The following ADAMTSL1 variants were observed in gnomAD, a reference collection of about 807,000 sequenced individuals.
The protein encoded by ADAMTSL1 is ADAMTS like 1, also known as ADAMTS-like protein 1.
Under a neutral mutation model 201.8 loss-of-function variants are expected in ADAMTSL1, and 126 were observed. The ratio of observed to expected loss-of-function variants is 0.62; its 90% confidence interval spans 0.54 to 0.72. The LOEUF (loss-of-function observed/expected upper bound fraction) is 0.72, where lower values mean the gene tolerates loss of function less well. ADAMTSL1 is among the 30% of genes least tolerant of loss of function. The pLI is 0.00. For missense variants in ADAMTSL1, 2,679 were observed against 2,277.8 expected (o/e 1.18, Z -3.59); for synonymous variants, 1,121 against 903.4 (o/e 1.24, Z -4.32).
intron 1 of ADAMTSL1, among the ~76,000 whole-genome samples, chr9:18,475,899 A>G (rs1305968941): frequency 3.3e-5 from 5 of 152,150 alleles, no homozygotes; most frequent in African/African-American, 9.7e-5. Context: ...TTGTTTTGCT[A>G]TCCATTTGGT....
In ADAMTSL1 at chr9:18,910,676, C is replaced by G. The variant is rs1279908188; in HGVS notation, c.*2128C>G. The G allele has an allele frequency of 1.3e-5, 2 of 152,220 alleles. No homozygotes were observed. The highest frequency in any genetic ancestry group is 2.9e-5 in the Non-Finnish European group (2 of 68,042). The allele number at this position is 152,220 out of a possible 1,614,324, so 9.4% of individuals were successfully genotyped here. ...ATTGAAAATCAGTGGTCACTATTTACATTTCCTAAAGAGCAAGCATCCTCC... is the reference window on the plus strand; with the variant it reads ...ATTGAAAATCAGTGGTCACTATTTAGATTTCCTAAAGAGCAAGCATCCTCC... On this transcript the variant is annotated 3_prime_UTR_variant, in exon 29 of 29. Coordinates refer to ENST00000380548, the MANE Select transcript of ADAMTSL1 (RefSeq NM_001040272.6).
At chr9:18,617,309 C>T (rs897052417) in intron 4 of ADAMTSL1, among the ~76,000 whole-genome samples, 2 of 152,128 alleles carry the variant, frequency 1.3e-5, no homozygotes, top group African/African-American at 4.8e-5. Context: ...CTAATGAAGA[C>T]ATTTTATTAA....
chr9:18,257,689 C>T (rs1346443820), intron 2 of ADAMTSL1, among the ~76,000 whole-genome samples: 1 of 151,926 alleles, frequency 6.6e-6, no homozygotes, highest in East Asian at 1.9e-4. Flanking sequence ...AGATATATAC[C>T]CCCAAAGAAC....
rs59026505 is a variant in ADAMTSL1, at chr9:18,254,345, G to GTTTTTTTTTTTTTTTTTTTTTTTT, written c.207+90376_207+90399dup. Among the ~76,000 whole-genome samples, 2 of 49,364 alleles carry GTTTTTTTTTTTTTTTTTTTTTTTT rather than the reference G, an allele frequency of 4.1e-5. 1 individual carries two copies. The allele number at this position is 49,364 out of a possible 152,430, so 32.4% of individuals were successfully genotyped here. A position where few individuals can be genotyped will look rare whatever the true frequency, so the allele number is the denominator to read the frequency against. On this transcript the variant is annotated intron_variant, in intron 2 of 29. Transcript: ENST00000680146. ...GGAACTACCGTCAATACTCTTTTTG[G>GTTTTTTTTTTTTTTTTTTTTTTTT]TTTTTTTTTTTTTTTTTTTTTTTTT...
At chr9:18,308,418 A>G (rs1476577030) in intron 2 of ADAMTSL1, among the ~76,000 whole-genome samples, 1 of 152,150 alleles carries the variant, frequency 6.6e-6, no homozygotes, top group Non-Finnish European at 1.5e-5. Flanking sequence ...GGTTTTTTGA[A>G]AAGATCAACC....
intron 1 of ADAMTSL1, among the ~76,000 whole-genome samples, chr9:18,126,830 A>G (rs1825751232): frequency 6.6e-6 from 1 of 152,198 alleles, no homozygotes; most frequent in Admixed American, 6.5e-5. Context: ...ATGCCTCTGG[A>G]TGCAAAAACA....
intron 2 of ADAMTSL1, among the ~76,000 whole-genome samples, chr9:18,327,492 C>T (rs1834872670): frequency 1.3e-5 from 2 of 152,306 alleles, no homozygotes; most frequent in Admixed American, 6.5e-5. Context: ...CCCACGTAGG[C>T]ATTTTTCCCC....
intron 2 of ADAMTSL1, among the ~76,000 whole-genome samples, chr9:18,359,546 T>G (rs1586965175): frequency 6.6e-6 from 1 of 152,194 alleles, no homozygotes; most frequent in Admixed American, 6.5e-5. Flanking sequence ...TCAAGGTCCT[T>G]GCCAGTGTTC....
intron 13 of ADAMTSL1, among the ~76,000 whole-genome samples, chr9:18,695,850 A>G (rs1831517379): frequency 6.6e-6 from 1 of 152,220 alleles, no homozygotes; most frequent in South Asian, 2.1e-4. Context: ...ATTGCTATAA[A>G]GGACTACCAG....
chr9:18,688,317 C>A lies in ADAMTSL1; in HGVS notation c.1574+3517C>A, dbSNP rs4431681. Among the ~76,000 whole-genome samples, 18 of 151,618 alleles carry A rather than the reference C, an allele frequency of 1.2e-4. No homozygotes were observed. The South Asian group carries it at 3.8e-3, about 32-fold the overall frequency. On this transcript the variant is annotated intron_variant, in intron 13 of 28. Coordinates refer to ENST00000380548, the MANE Select transcript of ADAMTSL1 (RefSeq NM_001040272.6). ...TTTTGTATTTTTAGTAAATAAGAGA[C>A]AGGGTTTCACCATGTTGGCCAGGCT...
intron 11 of ADAMTSL1, 115 bp from the exon 12 acceptor site, chr9:18,681,697 T>TGTGTTGGGGG: frequency 4.2e-6 from 1 of 238,092 alleles, no homozygotes; most frequent in Non-Finnish European, 6.6e-6. Flanking sequence ...AGTCCTCGTG[T>TGTGTTGGGGG]GGGGGGGGGG....
In ADAMTSL1 at chr9:18,561,801, C is replaced by A. The variant is rs568885995; in HGVS notation, c.238-12229C>A. Among the ~76,000 whole-genome samples the A allele has an allele frequency of 2.0e-3, 308 of 152,202 alleles. 3 individuals carry two copies. Among genetic ancestry groups the A allele is most frequent in the Non-Finnish European group, 3.4e-3 (234 of 67,998 alleles). ...AATGCCCTTCTTTGTCTGTTTTGATCTTTGTTGGTTTAAAGTCTGTTTTCT... is the reference window on the plus strand; with the variant it reads ...AATGCCCTTCTTTGTCTGTTTTGATATTTGTTGGTTTAAAGTCTGTTTTCT... On this transcript the variant is annotated intron_variant, in intron 3 of 28. Transcript: ENST00000380548.
intron 1 of ADAMTSL1, among the ~76,000 whole-genome samples, chr9:18,152,525 G>T (rs1240944876): frequency 6.6e-6 from 1 of 151,936 alleles, no homozygotes; most frequent in Non-Finnish European, 1.5e-5. Context: ...CAGAGTCCTG[G>T]GATCATCTAT....
chr9:18,207,447 C>G (rs1341101062), intron 2 of ADAMTSL1, among the ~76,000 whole-genome samples: 1 of 152,114 alleles, frequency 6.6e-6, no homozygotes, highest in African/African-American at 2.4e-5. Flanking sequence ...GGGATTATAA[C>G]TCAAGTCTAC....
chr9:18,706,633 A>AC (rs1246094090), intron 13 of ADAMTSL1, 114 bp from the exon 14 acceptor site: 8 of 1,049,722 alleles, frequency 7.6e-6, no homozygotes, highest in Non-Finnish European at 1.1e-5. Flanking sequence ...AGCCCTGAGT[A>AC]CCCCTGGGAC....
intron 2 of ADAMTSL1, among the ~76,000 whole-genome samples, chr9:18,438,029 T>G (rs1392294269): frequency 6.6e-6 from 1 of 152,160 alleles, no homozygotes; most frequent in Non-Finnish European, 1.5e-5. Context: ...AAGGTCACTC[T>G]TGAGTCAGTG....
chr9:18,169,586 T>A (rs897175132), intron 2 of ADAMTSL1, among the ~76,000 whole-genome samples: 1 of 152,172 alleles, frequency 6.6e-6, no homozygotes, highest in South Asian at 2.1e-4. Context: ...TTCTTTTGAC[T>A]TAGGATTGAC....
In ADAMTSL1 at chr9:18,829,850, C is replaced by T. The variant is rs747019303; in HGVS notation, c.4122C>T (p.Pro1374=). The change falls in exon 23 of 29, where the codon CCC becomes CCT. Residue 1374 remains proline, a synonymous_variant. Coordinates refer to ENST00000380548, the MANE Select transcript of ADAMTSL1 (RefSeq NM_001040272.6). The stretch of plus-strand genomic sequence containing the variant: ...CCCTCTGCCTTCTCACAGATCCCCC[C>T]CAAGTCCCCACACAGTTGGAAGACA... The part of the protein sequence containing the change: ...ESTQLLILDP[P]QVPTQLEDIR... 27 of 1,613,894 alleles carry T rather than the reference C, an allele frequency of 1.7e-5. No homozygotes were observed. Among genetic ancestry groups the T allele is most frequent in the Non-Finnish European group, 2.1e-5 (25 of 1,179,898 alleles).
intron 2 of ADAMTSL1, among the ~76,000 whole-genome samples, chr9:18,269,508 T>C (rs941609983): frequency 8.5e-5 from 13 of 152,126 alleles, no homozygotes; most frequent in African/African-American, 2.7e-4. Flanking sequence ...AGGAGAAATA[T>C]ATAATGGTTT....
Sources: allele counts gnomAD v4.1 joint callset (sites outside exome capture counted in the v4.1 genomes callset), GRCh38; gene constraint gnomAD v4.1.1; transcripts MANE v1.5; gene names NCBI Gene and HGNC (gene_info 2026-07-23, HGNC 2026-07-21).